SERINC5: variants seen among roughly 807,000 people sequenced by gnomAD.
SERINC5 encodes the protein serine incorporator 5.
Under a neutral mutation model 63.1 loss-of-function variants are expected in SERINC5, and 41 were observed. The observed-to-expected ratio is 0.65, with a 90% CI of 0.51 to 0.84. The LOEUF is 0.84. Among genes scored for constraint, SERINC5 ranks in the 40% least tolerant of loss-of-function variants. The probability of loss-of-function intolerance (pLI) is 0.00; values close to 1 mark genes in which losing one functional copy is unlikely to be tolerated. For missense variants in SERINC5, 523 were observed against 573.0 expected (o/e 0.91, Z 0.89); for synonymous variants, 222 against 215.2 (o/e 1.03, Z -0.28).
chr5:80,116,107 C>T (rs1744313176), intron 11 of SERINC5: 2 of 357,090 alleles, frequency 5.6e-6, no homozygotes, highest in South Asian at 2.1e-5. Flanking sequence ...AGAAAGCCTC[C>T]ACGTTGCTGC....
At position 80,247,848 on chromosome 5, in the gene SERINC5, G is replaced by A. The variant is rs566237435; in HGVS notation, c.27+8048C>T. Among the ~76,000 whole-genome samples the A allele has an allele frequency of 3.9e-5, 6 of 152,194 alleles. No individual in the cohort carries two copies. In the East Asian group the frequency reaches 1.2e-3, roughly 29 times the overall value. On this transcript the variant is annotated intron_variant, in intron 1 of 11. Coordinates refer to ENST00000507668, the MANE Select transcript of SERINC5 (RefSeq NM_001174072.3). ...TTTTTTCCTGTATATACATACCTAT[G>A]AGAAAGTTTTGTTGTTTAAGACAGG...
chr5:80,142,262 T>G lies in SERINC5; in HGVS notation c.*1401A>C. On this transcript the variant is annotated 3_prime_UTR_variant, in exon 12 of 12. Coordinates refer to ENST00000507668, the MANE Select transcript of SERINC5 (RefSeq NM_001174072.3). ...CGAAAGTCACGTTTCTGTATTACTT[T>G]GCAAGTACGTATTTTGGAAATTCCT... is the stretch of plus-strand genomic sequence containing the variant. 3 of 985,476 alleles carry G rather than the reference T, an allele frequency of 3.0e-6. No individual in the cohort carries two copies. Among genetic ancestry groups the G allele is most frequent in the East Asian group, 2.3e-4 (2 of 8,820 alleles). The allele number at this position is 985,476 out of a possible 1,614,324, so 61.0% of individuals were successfully genotyped here. A position where few individuals can be genotyped will look rare whatever the true frequency, so the allele number is the denominator to read the frequency against.
intron 1 of SERINC5, among the ~76,000 whole-genome samples, chr5:80,251,976 C>T (rs1192927981): frequency 1.3e-5 from 2 of 152,084 alleles, no homozygotes; most frequent in African/African-American, 2.4e-5. Flanking sequence ...TGTCAAACTG[C>T]CTTGGAAAGG....
At chr5:80,121,088 T>C (rs1404954988) in intron 11 of SERINC5, among the ~76,000 whole-genome samples, 1 of 152,132 alleles carries the variant, frequency 6.6e-6, no homozygotes, top group Non-Finnish European at 1.5e-5. Context: ...GGTTTCTCCA[T>C]GTTGGTCAGG....
At chr5:80,136,451 T>C (rs1745182588), downstream of SERINC5, among the ~76,000 whole-genome samples, 1 of 152,216 alleles carries the variant, frequency 6.6e-6, no homozygotes, top group African/African-American at 2.4e-5. Context: ...AGGAATGTCT[T>C]TTTAATAAAT....
intron 5 of SERINC5, 125 bp downstream of exon 5, chr5:80,174,829 G>T: frequency 1.7e-6 from 1 of 590,160 alleles, no homozygotes. Context: ...AAATGAAGAG[G>T]TACAAAAAAG....
chr5:80,129,462 C>T (rs1443479071), intron 11 of SERINC5, among the ~76,000 whole-genome samples: 3 of 152,036 alleles, frequency 2.0e-5, no homozygotes, highest in Non-Finnish European at 4.4e-5. Context: ...CATCACCATG[C>T]CTGGATAAGT....
chr5:80,174,264 G>A (rs982786119), intron 5 of SERINC5, among the ~76,000 whole-genome samples: 6 of 151,774 alleles, frequency 4.0e-5, no homozygotes, highest in African/African-American at 1.5e-4. Flanking sequence ...CTTCTCAGGG[G>A]GCTGAGGTGG....
intron 2 of SERINC5, among the ~76,000 whole-genome samples, chr5:80,196,527 G>A (rs1749508948): frequency 1.3e-5 from 2 of 152,052 alleles, no homozygotes; most frequent in Non-Finnish European, 2.9e-5. Flanking sequence ...TCTGCTTCTA[G>A]ATATAAACCC....
intron 8 of SERINC5, among the ~76,000 whole-genome samples, chr5:80,155,098 T>G (rs1331610311): frequency 6.6e-6 from 1 of 152,222 alleles, no homozygotes; most frequent in African/African-American, 2.4e-5. Flanking sequence ...GAGACTGACC[T>G]GATCAACTCT....
downstream of SERINC5, among the ~76,000 whole-genome samples, chr5:80,137,644 A>AC (rs200626190): frequency 0.11 from 15,307 of 145,674 alleles, 1,045 homozygotes; most frequent in East Asian, 0.25. Context: ...CTCTAACTCA[A>AC]AAAAAAAAAA....
chr5:80,245,918 G>A (rs1580218383), intron 1 of SERINC5, among the ~76,000 whole-genome samples: 2 of 137,698 alleles, frequency 1.5e-5, no homozygotes, highest in East Asian at 2.2e-4. Context: ...CCTGGCCCCA[G>A]AGAATATTTA....
chr5:80,232,881 A>C (rs1356919616), intron 1 of SERINC5, among the ~76,000 whole-genome samples: 1 of 152,198 alleles, frequency 6.6e-6, no homozygotes, highest in East Asian at 1.9e-4. Context: ...TAAAGACTGT[A>C]CATTATATGG....
At chr5:80,164,080 C>T (rs1747113718) in intron 7 of SERINC5, among the ~76,000 whole-genome samples, 1 of 152,002 alleles carries the variant, frequency 6.6e-6, no homozygotes, top group African/African-American at 2.4e-5. Context: ...GATTTCTATT[C>T]CTTCTTGCTT....
chr5:80,180,996 G>A (rs189567099), intron 2 of SERINC5, among the ~76,000 whole-genome samples: 1 of 152,232 alleles, frequency 6.6e-6, no homozygotes, highest in Admixed American at 6.5e-5. Flanking sequence ...ATTTACTTAT[G>A]AGCAATTTGA....
chr5:80,129,177 T>C (rs1185959854), intron 11 of SERINC5: 1 of 152,066 alleles, frequency 6.6e-6, no homozygotes, highest in Admixed American at 6.6e-5. Flanking sequence ...AGGGAGGAGG[T>C]GCCGCTGTGA....
chr5:80,197,566 C>G (rs1016800614), intron 2 of SERINC5, among the ~76,000 whole-genome samples: 4 of 152,098 alleles, frequency 2.6e-5, no homozygotes, highest in African/African-American at 7.2e-5. Context: ...ATCTATGGCT[C>G]TTCCTACATT....
chr5:80,177,502 G>A, intron 3 of SERINC5, 105 bp from the exon 4 acceptor site: 2 of 888,906 alleles, frequency 2.2e-6, no homozygotes, highest in Non-Finnish European at 1.8e-6. Flanking sequence ...TTCTGCCATT[G>A]GCCAATGTTC....
downstream of SERINC5, among the ~76,000 whole-genome samples, chr5:80,136,333 C>G (rs1050177178): frequency 6.6e-6 from 1 of 152,032 alleles, no homozygotes; most frequent in Admixed American, 6.6e-5. Context: ...CAGGGTGTCA[C>G]CAGCATAAGG....
Sources: gnomAD v4.1 joint callset for allele counts (sites outside exome capture counted in the v4.1 genomes callset) on GRCh38, gnomAD v4.1.1 for gene constraint, MANE v1.5 for transcripts, NCBI Gene and HGNC (gene_info 2026-07-23, HGNC 2026-07-21) for gene names.